The following AXDND1 variants were observed in gnomAD, a reference collection of about 807,000 sequenced individuals.
AXDND1 encodes the protein axonemal dynein light chain domain-containing protein 1.
A neutral mutation model predicts 137.5 loss-of-function variants in AXDND1; 110 were observed. The observed-to-expected ratio is 0.80, with a 90% CI of 0.69 to 0.94. The LOEUF (loss-of-function observed/expected upper bound fraction) is 0.94. AXDND1 is among the 40% of genes least tolerant of loss of function. The pLI, the probability that AXDND1 is intolerant of heterozygous loss-of-function variation, is 0.00. For missense variants in AXDND1, 1,191 were observed against 1,169.8 expected, an observed-to-expected ratio of 1.02 and a Z score of -0.26; for synonymous variants, 414 against 399.7, an observed-to-expected ratio of 1.04 and a Z score of -0.43.
Position 179,366,500 on chromosome 1 carries a change from A to G in AXDND1, c.-10A>G. 2 of 1,597,904 alleles carry G rather than the reference A, an allele frequency of 1.3e-6. No individual in the cohort carries two copies. Among genetic ancestry groups the G allele is most frequent in the Non-Finnish European group, 1.7e-6 (2 of 1,165,556 alleles). ...TCAAATTACTAAAGAGATAGGAGGC[A>G]TTGTTTATTATGTCTCTCCCGAAAA... On this transcript the variant is annotated 5_prime_UTR_variant, in exon 2 of 26. Transcript: ENST00000367618.
At chr1:179,482,492 G>A (rs1341685847) in intron 17 of AXDND1, among the ~76,000 whole-genome samples, 3 of 152,120 alleles carry the variant, frequency 2.0e-5, no homozygotes, top group African/African-American at 7.2e-5. Context: ...CATCTGATTG[G>A]GAGCTAGAGG....
chr1:179,513,068 A>C (rs1385592451), intron 21 of AXDND1, among the ~76,000 whole-genome samples: 1 of 151,982 alleles, frequency 6.6e-6, no homozygotes, highest in Non-Finnish European at 1.5e-5. Flanking sequence ...CTCTTGTCTG[A>C]TTGCTCTGGC....
At chr1:179,508,013 G>A (rs1294221684) in intron 20 of AXDND1, among the ~76,000 whole-genome samples, 1 of 152,068 alleles carries the variant, frequency 6.6e-6, no homozygotes, top group Admixed American at 6.5e-5. Flanking sequence ...ACAACATATG[G>A]ATTTAGATTT....
At chr1:179,534,280 C>T (rs980859684) in intron 24 of AXDND1, among the ~76,000 whole-genome samples, 1 of 152,122 alleles carries the variant, frequency 6.6e-6, no homozygotes, top group East Asian at 1.9e-4. Context: ...AGAGCGTAGC[C>T]ATGTAGACAT....
intron 12 of AXDND1, among the ~76,000 whole-genome samples, chr1:179,427,710 A>G (rs1656777214): frequency 6.6e-6 from 1 of 152,226 alleles, no homozygotes; most frequent in African/African-American, 2.4e-5. Context: ...TGCTAAGGGA[A>G]TAATTAGCAT....
rs189441731 is a variant in AXDND1 at position 179,430,911 on chromosome 1, G to C, written c.1487+305G>C. Among the ~76,000 whole-genome samples the C allele has an allele frequency of 5.3e-3, 802 of 152,246 alleles. 9 individuals carry two copies. Among genetic ancestry groups the C allele is most frequent in the African/African-American group, 0.019 (778 of 41,536 alleles). ...CTTATTTCATTACTTTGGCAAACTT[G>C]AGTATTTGGATCCATCTGCAAATCA... On this transcript the variant is annotated intron_variant, in intron 14 of 25. Transcript: ENST00000367618.
chr1:179,368,650 G>C, intron 2 of AXDND1, 150 bp from the exon 3 acceptor site: 1 of 650,416 alleles, frequency 1.5e-6, no homozygotes, highest in African/African-American at 1.8e-5. Context: ...GATGTTCACT[G>C]TTTTCAATAT....
chr1:179,373,768 A>T (rs1668288047), intron 4 of AXDND1, among the ~76,000 whole-genome samples: 1 of 152,204 alleles, frequency 6.6e-6, no homozygotes, highest in Non-Finnish European at 1.5e-5. Context: ...AAAACTGGCT[A>T]GCCATATGTA....
At chr1:179,429,689 C>A (rs1277545102) in intron 13 of AXDND1, 70 bp downstream of exon 13, 5 of 807,784 alleles carry the variant, frequency 6.2e-6, no homozygotes, top group Non-Finnish European at 7.4e-6. Flanking sequence ...CTGTAAGATG[C>A]CTTTGTTAAA....
At chr1:179,366,884 A>AT (rs1350261862) in intron 2 of AXDND1, among the ~76,000 whole-genome samples, 1 of 152,144 alleles carries the variant, frequency 6.6e-6, no homozygotes, top group Non-Finnish European at 1.5e-5. Context: ...ATAGTTACGT[A>AT]TTTTTTGGTT....
chr1:179,490,424 A>C (rs1666734970), intron 18 of AXDND1, among the ~76,000 whole-genome samples: 1 of 152,172 alleles, frequency 6.6e-6, no homozygotes, highest in Non-Finnish European at 1.5e-5. Context: ...AAATACTGTC[A>C]TGCAGAGGTT....
chr1:179,470,078 T>C (rs1663731281), intron 17 of AXDND1, among the ~76,000 whole-genome samples: 1 of 152,218 alleles, frequency 6.6e-6, no homozygotes, highest in Non-Finnish European at 1.5e-5. Flanking sequence ...TGTTGAAGAC[T>C]ATTCTTTCTC....
chr1:179,472,845 T>G (rs6666783), intron 17 of AXDND1, among the ~76,000 whole-genome samples: 69,333 of 151,914 alleles, frequency 0.46, 16,695 homozygotes, highest in East Asian at 0.76. Flanking sequence ...TTACATATCT[T>G]TTCCTTTTAT....
intron 11 of AXDND1, among the ~76,000 whole-genome samples, chr1:179,409,832 A>G (rs1473788353): frequency 1.3e-5 from 2 of 152,140 alleles, no homozygotes; most frequent in Admixed American, 6.5e-5. Flanking sequence ...AAAAAACGAA[A>G]CAAAACAAAA....
At chr1:179,466,278 TC>T (rs1373278859) in intron 16 of AXDND1, among the ~76,000 whole-genome samples, 4,170 of 118,636 alleles carry the variant, frequency 0.035, 103 homozygotes, top group Non-Finnish European at 0.054. Context: ...TCTTTCTTCT[TC>T]TTCTTCTTTT....
At chr1:179,368,638 A>G (rs987236179) in intron 2 of AXDND1, among the ~76,000 whole-genome samples, 162 bp from the exon 3 acceptor site, 1 of 152,182 alleles carries the variant, frequency 6.6e-6, no homozygotes, top group Admixed American at 6.5e-5. Flanking sequence ...CCTTGACTAG[A>G]TGATGTTCAC....
At chr1:179,552,538 G>T (rs1673439075) in intron 25 of AXDND1, 4 of 1,267,684 alleles carry the variant, frequency 3.2e-6, no homozygotes, top group Non-Finnish European at 4.6e-6. Flanking sequence ...GGAAGCAAAG[G>T]GGAAATGTTC....
At chr1:179,535,160 C>T in intron 25 of AXDND1, 198 bp downstream of exon 25, 1 of 720,682 alleles carries the variant, frequency 1.4e-6, no homozygotes, top group East Asian at 3.1e-5. Context: ...AAATGAATAA[C>T]AATTGTGAAT....
chr1:179,421,622 G>A (rs1655749070), intron 12 of AXDND1, among the ~76,000 whole-genome samples: 1 of 151,432 alleles, frequency 6.6e-6, no homozygotes, highest in South Asian at 2.1e-4. Context: ...GGCCTAAAGT[G>A]ATCCACCTGC....
Sources: gnomAD v4.1 joint callset for allele counts (sites outside exome capture counted in the v4.1 genomes callset) on GRCh38, gnomAD v4.1.1 for gene constraint, MANE v1.5 for transcripts, NCBI Gene and HGNC (gene_info 2026-07-23, HGNC 2026-07-21) for gene names.